RNF14: variants seen among roughly 807,000 people sequenced by gnomAD.
RNF14 encodes the protein E3 ubiquitin-protein ligase RNF14.
In RNF14, 26 loss-of-function variants were observed where a neutral mutation model predicts 52.6. The ratio of observed to expected loss-of-function variants is 0.49; its 90% CI spans 0.36 to 0.69. RNF14 has a LOEUF of 0.69. Ranked by LOEUF, RNF14 falls within the 30% of genes least tolerant of loss-of-function variation. The probability of loss-of-function intolerance (pLI) is 0.00; values close to 1 mark genes in which losing one functional copy is unlikely to be tolerated. For synonymous variants in RNF14, 194 were observed against 202.0 expected, an observed-to-expected ratio of 0.96 and a Z score of 0.34; for missense variants, 404 against 560.4, an observed-to-expected ratio of 0.72 and a Z score of 2.82.
chr5:141,968,824 ATTG>A (rs1561541317), upstream of RNF14: 5 of 152,220 alleles, frequency 3.3e-5, no homozygotes. Flanking sequence ...CAGGTCTGGG[ATTG>A]TTGTGAGAGT....
upstream of RNF14, chr5:141,955,254 G>A (rs148879785): frequency 1.5e-5 from 25 of 1,614,204 alleles, no homozygotes; most frequent in African/African-American, 1.2e-4. This position sits in a 1 kb window ranked among gnomAD's most constrained non-coding sequence, Gnocchi z 5.5. Context: ...GCTGGGGCTC[G>A]GGAAGGTTCA....
the RNF14 span, chr5:141,951,445 C>A: frequency 7.2e-7 from 1 of 1,383,506 alleles, no homozygotes; most frequent in East Asian, 2.3e-5. Flanking sequence ...TGATGAGGGG[C>A]GGCCAGTAGG....
At chr5:141,984,740 G>A in intron 7 of RNF14, 63 bp from the exon 8 acceptor site, 1 of 1,510,814 alleles carries the variant, frequency 6.6e-7, no homozygotes, top group Non-Finnish European at 9.2e-7. Context: ...AATCATTTTG[G>A]CATGTGCTGT....
At chr5:141,963,836 G>A (rs1165259417), upstream of RNF14, among the ~76,000 whole-genome samples, 4 of 152,074 alleles carry the variant, frequency 2.6e-5, no homozygotes, top group African/African-American at 4.8e-5. Flanking sequence ...TCTTCCCATC[G>A]TTACATAAAT....
upstream of RNF14, chr5:141,958,022 C>CAAGG: frequency 1.4e-6 from 1 of 718,798 alleles, no homozygotes; most frequent in South Asian, 2.0e-5. Flanking sequence ...GACCCCAAGG[C>CAAGG]AAGGCCATCT....
At chr5:141,960,603 G>A (rs144350130) in intron 1 of RNF14, among the ~76,000 whole-genome samples, 9 of 152,302 alleles carry the variant, frequency 5.9e-5, no homozygotes, top group East Asian at 5.8e-4. Flanking sequence ...CCTGAAGGTC[G>A]TGGAGTGCTT....
Position 141,984,914 on chromosome 5 carries a change from G to C in RNF14, c.1348G>C (p.Gly450Arg). The C allele has an allele frequency of 6.2e-7, 1 of 1,613,732 alleles. No homozygotes were observed. Among genetic ancestry groups the C allele is most frequent in the South Asian group, 1.1e-5 (1 of 91,042 alleles). ...ANPYKHFNDPGSPCFNRLFYA... is the reference protein window; with the variant it reads ...ANPYKHFNDPRSPCFNRLFYA... ...CCCTTACAAACATTTCAATGACCCT[G>C]GTTCACCATGTTTTAACCGGTATGT... Residue 450 changes from glycine (G) to arginine (R), a missense_variant, in exon 8 of 9, where the codon GGT becomes CGT. By Grantham distance (125) the Gly-to-Arg change is moderately radical. Transcript: ENST00000394520.
intron 1 of RNF14, chr5:141,959,141 C>G (rs750276375): frequency 3.3e-5 from 5 of 152,312 alleles, no homozygotes; most frequent in Non-Finnish European, 5.9e-5. Flanking sequence ...GAACCCCCAG[C>G]CTCCCACTCC....
chr5:141,964,401 T>G (rs1753299835), upstream of RNF14, among the ~76,000 whole-genome samples: 1 of 152,222 alleles, frequency 6.6e-6, no homozygotes, highest in South Asian at 2.1e-4. Flanking sequence ...CGATGGCAAG[T>G]CAATTATCTA....
chr5:141,951,082 A>G, the RNF14 span, among the ~76,000 whole-genome samples: 1 of 152,232 alleles, frequency 6.6e-6, no homozygotes, highest in African/African-American at 2.4e-5. Context: ...AGGATTGCCC[A>G]AAGGGACACG....
At chr5:141,951,454 G>C in the RNF14 span, 7 of 1,489,092 alleles carry the variant, frequency 4.7e-6, no homozygotes, top group Non-Finnish European at 5.6e-6. Flanking sequence ...GCGGCCAGTA[G>C]GGGCCTTGAG....
chr5:141,969,561 C>T (rs1262487712), intron 1 of RNF14: 2 of 152,298 alleles, frequency 1.3e-5, no homozygotes, highest in African/African-American at 4.8e-5. Flanking sequence ...GACTAGGACA[C>T]CCGAAGACCA....
chr5:141,984,049 T>C (rs1399263452), intron 7 of RNF14, among the ~76,000 whole-genome samples: 1 of 152,098 alleles, frequency 6.6e-6, no homozygotes, highest in Non-Finnish European at 1.5e-5. Context: ...CTGTTATGTC[T>C]GAACTGAACA....
intron 5 of RNF14, among the ~76,000 whole-genome samples, chr5:141,979,230 GTGGTGT>G (rs1300808228): frequency 1.4e-5 from 2 of 145,472 alleles, no homozygotes; most frequent in African/African-American, 5.0e-5. Flanking sequence ...TTAGGTGGTG[GTGGTGT>G]TGTTGTTGTT....
chr5:141,977,082 C>T (rs35103066), intron 4 of RNF14, among the ~76,000 whole-genome samples: 9,167 of 152,294 alleles, frequency 0.06, 410 homozygotes, highest in Non-Finnish European at 0.09. Flanking sequence ...TGAGCCACCA[C>T]GCCCAGCCCC....
At position 141,980,139 on chromosome 5, in the gene RNF14, A is replaced by G; in HGVS notation, c.851A>G (p.Glu284Gly). The G allele has an allele frequency of 6.2e-7, 1 of 1,614,112 alleles. No homozygotes were observed. The highest frequency in any genetic ancestry group is 8.5e-7 in the Non-Finnish European group (1 of 1,179,958). Residue 284 changes from glutamate (E) to glycine (G), a missense_variant, in exon 6 of 9, where the codon GAA becomes GGA. Physicochemically the swap from Glu to Gly is moderately conservative, Grantham distance 98. Coordinates refer to ENST00000394520, the MANE Select transcript of RNF14 (RefSeq NM_004290.5). ...ATPGQVKELVEAELFARYDRL... is the reference protein window; with the variant it reads ...ATPGQVKELVGAELFARYDRL... ...TCCCTCCAGGTCAAAGAGTTAGTGG[A>G]AGCAGAGTTATTTGCCCGTTATGAC...
intron 6 of RNF14, chr5:141,982,597 A>G (rs252095): frequency 0.88 from 134,470 of 152,286 alleles, 59,627 homozygotes; most frequent in East Asian, 0.98. Context: ...TGCAAGTAAA[A>G]CCTTTGGGAT....
Position 141,960,878 on chromosome 5 carries a change from C to T in RNF14, c.-181+2453C>T, listed in dbSNP as rs543976122. On this transcript the variant is annotated intron_variant, in intron 1 of 4. Transcript: ENST00000506822. Reference sequence around the variant, plus strand: ...AGAGTAATGCAGGGGAGCTTTGATGCAGAAAACTCGTTTCCAGAGCGCCAT... The same window carrying T: ...AGAGTAATGCAGGGGAGCTTTGATGTAGAAAACTCGTTTCCAGAGCGCCAT... 3.9e-5 allele frequency among the ~76,000 whole-genome samples: 6 copies of T among 152,226 alleles called. No homozygotes were observed. In the South Asian group the frequency reaches 1.0e-3, roughly 26 times the overall value.
rs1229282437 is a variant in RNF14, at chr5:141,989,620, G to C, written c.*1830G>C. The C allele has an allele frequency of 1.3e-5, 2 of 151,302 alleles. No homozygotes were observed. Among genetic ancestry groups the C allele is most frequent in the Non-Finnish European group, 2.9e-5 (2 of 67,978 alleles). 9.4% of individuals were successfully genotyped at this position (151,302 alleles called of 1,614,324 possible). ...AGGCAGGAGAATGGCATGAACCTGGGAGGTGGAGCTTGCAGTGAGCCGAGA... is the reference window on the plus strand; with the variant it reads ...AGGCAGGAGAATGGCATGAACCTGGCAGGTGGAGCTTGCAGTGAGCCGAGA... On this transcript the variant is annotated 3_prime_UTR_variant, in exon 9 of 9. Coordinates refer to ENST00000394520, the MANE Select transcript of RNF14 (RefSeq NM_004290.5).
Sources: gnomAD v4.1 joint callset for allele counts (sites outside exome capture counted in the v4.1 genomes callset) on GRCh38, gnomAD v4.1.1 for gene constraint, Gnocchi (gnomAD v3.1) non-coding constraint, MANE v1.5 for transcripts, NCBI Gene and HGNC (gene_info 2026-07-23, HGNC 2026-07-21) for gene names.